BAIAP2: variants seen among roughly 807,000 people sequenced by gnomAD.
BAIAP2 encodes BAR/IMD domain containing adaptor protein 2.
BAIAP2 carries 18 observed loss-of-function variants against 63.0 expected under a neutral mutation model. The ratio of observed to expected loss-of-function variants is 0.29; its 90% CI spans 0.20 to 0.42. The LOEUF is 0.42. BAIAP2 is among the 10% of genes least tolerant of loss of function. The pLI is 1.00. For synonymous variants in BAIAP2, 386 were observed against 307.6 expected, an observed-to-expected ratio of 1.25 and a Z score of -2.67; for missense variants, 610 against 734.3, an observed-to-expected ratio of 0.83 and a Z score of 1.96.
At chr17:81,051,625 C>T (rs2048694512) in intron 1 of BAIAP2, among the ~76,000 whole-genome samples, 3 of 152,138 alleles carry the variant, frequency 2.0e-5, no homozygotes, top group African/African-American at 7.2e-5. Flanking sequence ...TCCATCTGAC[C>T]TCGTGATCCG....
intron 2 of BAIAP2, chr17:81,057,652 C>T (rs571419595): frequency 1.4e-5 from 18 of 1,319,654 alleles, no homozygotes; most frequent in East Asian, 3.1e-5. Context: ...TGAACTGGTA[C>T]GTTGTGTTCT....
intron 13 of BAIAP2, chr17:81,109,189 C>G: frequency 7.1e-7 from 1 of 1,407,586 alleles, no homozygotes; most frequent in Admixed American, 3.3e-5. Context: ...CCATCCGCCC[C>G]CCCTCCCCTG....
At chr17:81,053,451 A>T (rs62072975) in intron 1 of BAIAP2, 276 of 586,646 alleles carry the variant, frequency 4.7e-4, no homozygotes, top group Non-Finnish European at 2.9e-4. Context: ...CCCCCTTTGC[A>T]CAGGTGTGAA....
chr17:81,036,180 C>T (rs1002151842), intron 1 of BAIAP2: 1 of 151,668 alleles, frequency 6.6e-6, no homozygotes, highest in African/African-American at 2.4e-5. Context: ...AGCATCCGTT[C>T]TCGGTCCAGA....
At chr17:81,091,395 C>G (rs373989041) in intron 6 of BAIAP2, among the ~76,000 whole-genome samples, 4 of 152,154 alleles carry the variant, frequency 2.6e-5, no homozygotes, top group Non-Finnish European at 2.9e-5. Context: ...CCCAGCTGTT[C>G]TACAGACCAG....
At chr17:81,110,938 C>T in intron 13 of BAIAP2, 1 of 1,613,934 alleles carries the variant, frequency 6.2e-7, no homozygotes, top group Non-Finnish European at 8.5e-7. Flanking sequence ...TGGCCAGATT[C>T]TGAGCCGCCT....
At chr17:81,037,193 T>C (rs994368262) in intron 1 of BAIAP2, among the ~76,000 whole-genome samples, 2 of 151,502 alleles carry the variant, frequency 1.3e-5, no homozygotes, top group African/African-American at 4.8e-5. Context: ...TTCTGCGTTT[T>C]GTCTTCCACG....
intron 1 of BAIAP2, among the ~76,000 whole-genome samples, chr17:81,049,992 C>A (rs142556166): frequency 2.6e-5 from 4 of 152,198 alleles, no homozygotes; most frequent in Admixed American, 2.0e-4. Flanking sequence ...CCTGACCAGA[C>A]GCCTGACTGG....
intron 3 of BAIAP2, among the ~76,000 whole-genome samples, chr17:81,066,735 CT>C (rs1165904209): frequency 6.6e-6 from 1 of 152,224 alleles, no homozygotes; most frequent in Non-Finnish European, 1.5e-5. Context: ...TGTCACTCAC[CT>C]GGTAGGGCCT....
chr17:81,054,585 A>G (rs538014109), intron 2 of BAIAP2, among the ~76,000 whole-genome samples: 234 of 152,272 alleles, frequency 1.5e-3, no homozygotes, highest in African/African-American at 5.4e-3. Flanking sequence ...CCTCAGGATC[A>G]TGTAGAAACT....
At position 81,106,911 on chromosome 17, in the gene BAIAP2, A is replaced by G. The variant is rs1261793709; in HGVS notation, c.1500+4A>G. 1.3e-6 allele frequency: 2 copies of G among 1,525,448 alleles called. No individual in the cohort carries two copies. Among genetic ancestry groups the G allele is most frequent in the Non-Finnish European group, 1.8e-6 (2 of 1,134,830 alleles). 94.5% of individuals were successfully genotyped at this position (1,525,448 alleles called of 1,614,324 possible). ...GGCCGTGCCCGCCTTCTCCCAGGTC[A>G]GTGGGCGGGGCCGGGGCTGGGAGGG... On this transcript the variant is annotated splice_donor_region_variant and intron_variant, in intron 12 of 13. Transcript: ENST00000428708.
At chr17:81,107,052 T>C in intron 12 of BAIAP2, 145 bp downstream of exon 12, 1 of 1,031,594 alleles carries the variant, frequency 9.7e-7, no homozygotes, top group Non-Finnish European at 1.4e-6. Context: ...GCTGCATGAT[T>C]TGGGAATGTG....
chr17:81,047,874 C>T (rs866083230), intron 1 of BAIAP2, among the ~76,000 whole-genome samples: 10 of 152,274 alleles, frequency 6.6e-5, no homozygotes, highest in South Asian at 2.1e-4. Context: ...AGCACATGGC[C>T]GCAGCACACA....
chr17:81,037,059 C>T lies in BAIAP2; in HGVS notation c.54+1751C>T. ...GCAGTAGGCCTTCACCTAGGTGAAG[C>T]TGTAATTTATCTGCAGGTCTAAGTG... is the stretch of plus-strand genomic sequence containing the variant. On this transcript the variant is annotated intron_variant, in intron 1 of 13. Transcript: ENST00000428708. 4 of 1,009,084 alleles carry T rather than the reference C, an allele frequency of 4.0e-6. No homozygotes were observed. In the South Asian group the frequency reaches 5.7e-5, roughly 14 times the overall value. The allele number at this position is 1,009,084 out of a possible 1,614,324, so 62.5% of individuals were successfully genotyped here. A position where few individuals can be genotyped will look rare whatever the true frequency, so the allele number is the denominator to read the frequency against.
intron 1 of BAIAP2, among the ~76,000 whole-genome samples, chr17:81,043,666 C>A (rs1013208874): frequency 3.3e-5 from 5 of 152,216 alleles, no homozygotes; most frequent in Admixed American, 3.3e-4. Flanking sequence ...GCTGGACATT[C>A]TCTGTGCTCA....
Position 81,103,007 on chromosome 17 carries a change from C to T in BAIAP2, c.643-495C>T, listed in dbSNP as rs374896577. 5.8e-3 allele frequency among the ~76,000 whole-genome samples: 883 copies of T among 152,338 alleles called. 4 individuals carry two copies. The highest frequency in any genetic ancestry group is 0.014 in the Middle Eastern group (4 of 294). ...TGTCCAGCAGGCCGCAGAGTACGCC[C>T]GAGGGAGCGCGGGCTCTTGGGCCCA... On this transcript the variant is annotated intron_variant, in intron 7 of 13. Transcript: ENST00000428708.
chr17:81,074,779 T>C (rs1242132767), intron 3 of BAIAP2, among the ~76,000 whole-genome samples: 1 of 152,200 alleles, frequency 6.6e-6, no homozygotes, highest in Admixed American at 6.5e-5. Flanking sequence ...CATAAGTGCC[T>C]GTGTGTCTGT....
At position 81,035,201 on chromosome 17, in the gene BAIAP2, T is replaced by TGCCGCCGCTTGCG; in HGVS notation, c.-53_-41dup. ...GTCCTGCTGCCGTTACCGCCGCTGC[T>TGCCGCCGCTTGCG]GCCGCCGCTTGCGTCCCCCGCTCCG... On this transcript the variant is annotated 5_prime_UTR_variant, in exon 1 of 14. Coordinates refer to ENST00000428708, the MANE Select transcript of BAIAP2 (RefSeq NM_001144888.2). 13 of 1,410,998 alleles carry TGCCGCCGCTTGCG rather than the reference T, an allele frequency of 9.2e-6. No homozygotes were observed. In the South Asian group the frequency reaches 1.1e-4, roughly 12 times the overall value. The allele number at this position is 1,410,998 out of a possible 1,614,324, so 87.4% of individuals were successfully genotyped here.
At chr17:81,108,143 T>G in intron 12 of BAIAP2, 1 of 426,878 alleles carries the variant, frequency 2.3e-6, no homozygotes, top group Non-Finnish European at 4.2e-6. Context: ...GCAGGTGCCC[T>G]GCGGGGGCCT....
Sources: allele counts gnomAD v4.1 joint callset (sites outside exome capture counted in the v4.1 genomes callset), GRCh38; gene constraint gnomAD v4.1.1; transcripts MANE v1.5; gene names NCBI Gene and HGNC (gene_info 2026-07-23, HGNC 2026-07-21).